CRB2: variants seen among roughly 807,000 people sequenced by gnomAD.
CRB2 encodes protein crumbs homolog 2.
In CRB2, 85 loss-of-function variants were observed where a neutral mutation model predicts 110.9. That is an observed-to-expected ratio of 0.77 (90% confidence interval 0.64 to 0.92). CRB2 has a LOEUF of 0.92. CRB2 is among the 40% of genes least tolerant of loss of function. CRB2 has a pLI of 0.00. For synonymous variants in CRB2, 907 were observed against 831.0 expected (o/e 1.09, Z -1.57); for missense variants, 1,843 against 1,851.3 (o/e 1.00, Z 0.08).
upstream of CRB2, among the ~76,000 whole-genome samples, chr9:123,354,334 G>A (rs192803616): frequency 1.3e-5 from 2 of 151,302 alleles, no homozygotes; most frequent in East Asian, 3.9e-4. Flanking sequence ...GAAAGTGTGG[G>A]AGTTTGTGTC....
At chr9:123,359,162 G>A (rs928313569) in intron 1 of CRB2, among the ~76,000 whole-genome samples, 4 of 152,062 alleles carry the variant, frequency 2.6e-5, no homozygotes, top group African/African-American at 9.7e-5. Context: ...TTGAAAAAGA[G>A]TATGCCAAAT....
Position 123,368,282 on chromosome 9 carries a change from GA to G in CRB2, c.1054+599del, listed in dbSNP as rs2041965518. Among the ~76,000 whole-genome samples, 3 of 152,248 alleles carry G rather than the reference GA, an allele frequency of 2.0e-5. No homozygotes were observed. In the South Asian group the frequency reaches 6.2e-4, roughly 32 times the overall value. On this transcript the variant is annotated intron_variant, in intron 6 of 12. Coordinates refer to ENST00000373631, the MANE Select transcript of CRB2 (RefSeq NM_173689.7). Reference sequence around the variant, plus strand: ...CTGGGCACAGGCTCCTCCACCAGGGGAAAGAGATGGTGGTCACCTCTTCCCC... The same window carrying G: ...CTGGGCACAGGCTCCTCCACCAGGGGAAGAGATGGTGGTCACCTCTTCCCC...
chr9:123,367,439 C>CCCCCCCCAA (rs2041952371), intron 5 of CRB2, 82 bp downstream of exon 5: 1 of 986,868 alleles, frequency 1.0e-6, no homozygotes, highest in African/African-American at 2.3e-5. Flanking sequence ...ACCCCCCCCA[C>CCCCCCCCAA]CCCCCCACCC....
At chr9:123,373,987 T>G in intron 10 of CRB2, 67 bp downstream of exon 10, 1 of 1,543,302 alleles carries the variant, frequency 6.5e-7, no homozygotes, top group Non-Finnish European at 8.8e-7. Context: ...CAGAGAAGTC[T>G]GCCAGGTCTG....
At chr9:123,356,405 A>G in intron 1 of CRB2, 51 bp downstream of exon 1, 1 of 1,396,182 alleles carries the variant, frequency 7.2e-7, no homozygotes, top group Non-Finnish European at 9.6e-7. Context: ...CTGTCCCCCA[A>G]GACAGATACC....
intron 5 of CRB2, 89 bp downstream of exon 5, chr9:123,367,446 A>ACCCCCCCG (rs2041953107): frequency 8.1e-6 from 1 of 123,962 alleles, no homozygotes; most frequent in African/African-American, 1.0e-4. Context: ...CCACCCCCCC[A>ACCCCCCCG]CCCCACACCC....
Position 123,373,494 on chromosome 9 carries a change from G to A in CRB2, c.2963G>A (p.Gly988Asp). Reference sequence around the variant, plus strand: ...GCCGCCACCCCGGTGGCGCTGCGCGGCCTGGCCAGTGACCTGGGCTTCCTG... The same window carrying A: ...GCCGCCACCCCGGTGGCGCTGCGCGACCTGGCCAGTGACCTGGGCTTCCTG... ...DGAATPVALR[G>D]LASDLGFLQG... Residue 988 changes from glycine (G) to aspartate (D), a missense_variant, in exon 10 of 13, where the codon GGC becomes GAC. Coordinates refer to ENST00000373631, the MANE Select transcript of CRB2 (RefSeq NM_173689.7). 1 of 1,457,696 alleles carries A rather than the reference G, an allele frequency of 6.9e-7. No individual in the cohort carries two copies. The highest frequency in any genetic ancestry group is 9.0e-7 in the Non-Finnish European group (1 of 1,114,806). 90.3% of individuals were successfully genotyped at this position (1,457,696 alleles called of 1,614,324 possible).
In CRB2 at chr9:123,371,638, C is replaced by A; in HGVS notation, c.2436+60C>A. The A allele has an allele frequency of 2.5e-6, 4 of 1,599,300 alleles. No homozygotes were observed. The South Asian group carries it at 3.3e-5, about 13-fold the overall frequency. ...GGGAGTCCTTTTCCCAGGATCTGTC[C>A]TGTGTCACCGGGGCTTAGTGTGTCC... On this transcript the variant is annotated intron_variant, in intron 8 of 12. Transcript: ENST00000373631.
chr9:123,371,317 C>G lies in CRB2; in HGVS notation c.2175C>G (p.Leu725=), dbSNP rs1444273816. The G allele has an allele frequency of 1.9e-6, 3 of 1,610,714 alleles. No homozygotes were observed. Among genetic ancestry groups the G allele is most frequent in the Non-Finnish European group, 2.5e-6 (3 of 1,178,018 alleles). Residue 725 remains leucine (L), a synonymous_variant, in exon 8 of 13, where the codon CTC becomes CTG. Coordinates refer to ENST00000373631, the MANE Select transcript of CRB2 (RefSeq NM_173689.7). ...VVLPGRWDDG[L]RHLVMLSFGP... ...TCCCTGGGCGCTGGGATGATGGGCT[C>G]CGTCACCTGGTGATGCTCAGCTTCG...
intron 7 of CRB2, 22 bp from the exon 8 acceptor site, chr9:123,371,048 C>G: frequency 6.2e-7 from 1 of 1,604,860 alleles, no homozygotes; most frequent in South Asian, 1.1e-5. Context: ...GGCCTCACAC[C>G]TGGCACCTTC....
chr9:123,370,351 C>G lies in CRB2; in HGVS notation c.1298C>G (p.Pro433Arg), dbSNP rs150487212. The G allele has an allele frequency of 5.0e-6, 8 of 1,613,870 alleles. No homozygotes were observed. Among genetic ancestry groups the G allele is most frequent in the Non-Finnish European group, 6.8e-6 (8 of 1,180,040 alleles). Residue 433 changes from proline (P) to arginine (R), a missense_variant, in exon 7 of 13, where the codon CCG becomes CGG. Transcript: ENST00000373631. ...CACTGCCCACCTGGTACCCATGGAC[C>G]GTTCTGTGGCCAGAATACCACCTTC... ...VCHCPPGTHG[P>R]FCGQNTTFSV...
chr9:123,371,034 T>C lies in CRB2; in HGVS notation c.1928-36T>C, dbSNP rs754606203. On this transcript the variant is annotated intron_variant, in intron 7 of 12. Transcript: ENST00000373631. ...CACCTGAGATCTGCCTCCCTCAGCC[T>C]GCAGGCCTCACACCTGGCACCTTCT... The C allele has an allele frequency of 3.8e-6, 6 of 1,599,688 alleles. 1 individual carries two copies. In the South Asian group the frequency reaches 6.8e-5, roughly 18 times the overall value.
chr9:123,371,845 A>G (rs144657713), intron 8 of CRB2, among the ~76,000 whole-genome samples: 1 of 152,114 alleles, frequency 6.6e-6, no homozygotes, highest in Non-Finnish European at 1.5e-5. Context: ...CGAGATAGAG[A>G]GCTGCCTGAG....
chr9:123,375,211 C>T lies in CRB2; in HGVS notation c.3507-6C>T. On this transcript the variant is annotated splice_region_variant and splice_polypyrimidine_tract_variant and intron_variant, in intron 11 of 12. Coordinates refer to ENST00000373631, the MANE Select transcript of CRB2 (RefSeq NM_173689.7). ...AGCCGCTTTCTCAGCCCCCCTCCCTCTCCAGGTGTCAGGTCCCCACTCTCC... is the reference window on the plus strand; with the variant it reads ...AGCCGCTTTCTCAGCCCCCCTCCCTTTCCAGGTGTCAGGTCCCCACTCTCC... 6.2e-7 allele frequency: 1 copy of T among 1,612,722 alleles called. No homozygotes were observed. Among genetic ancestry groups the T allele is most frequent in the East Asian group, 2.2e-5 (1 of 44,840 alleles).
chr9:123,367,059 C>T (rs1311019946), intron 4 of CRB2, 113 bp from the exon 5 acceptor site: 28 of 1,113,248 alleles, frequency 2.5e-5, no homozygotes, highest in South Asian at 2.5e-4. Flanking sequence ...CCTCGCCATT[C>T]GTGGCTTATT....
At chr9:123,374,210 G>T in intron 10 of CRB2, 1 of 603,256 alleles carries the variant, frequency 1.7e-6, no homozygotes, top group South Asian at 2.0e-5. Context: ...GGTGGAGGGA[G>T]GGGGTCAGGC....
chr9:123,371,170 C>A lies in CRB2; in HGVS notation c.2028C>A (p.Leu676=). The part of the protein sequence containing the change: ...PGPNLTVSFL[L]RTRESAGLLL... ...CCAACCTCACAGTGTCTTTCCTTCT[C>A]CGCACTCGGGAGTCCGCTGGCCTGT... Residue 676 remains leucine, a synonymous_variant, in exon 8 of 13, where the codon CTC becomes CTA. Transcript: ENST00000373631. 1 of 1,613,790 alleles carries A rather than the reference C, an allele frequency of 6.2e-7. No homozygotes were observed. The highest frequency in any genetic ancestry group is 8.5e-7 in the Non-Finnish European group (1 of 1,180,046).
intron 2 of CRB2, among the ~76,000 whole-genome samples, chr9:123,365,130 G>T (rs2041914325): frequency 6.6e-6 from 1 of 152,152 alleles, no homozygotes; most frequent in Admixed American, 6.5e-5. Flanking sequence ...GGGTGAGGTG[G>T]CATGCACCTG....
At chr9:123,378,805 G>GTTTTTTTGTTT (rs2042150087), downstream of CRB2, 1 of 100,982 alleles carries the variant, frequency 9.9e-6, no homozygotes, top group African/African-American at 4.3e-5. Flanking sequence ...CCTGTTTTTT[G>GTTTTTTTGTTT]TTTTTTTTTT....
Sources: gnomAD v4.1 joint callset for allele counts (sites outside exome capture counted in the v4.1 genomes callset) on GRCh38, gnomAD v4.1.1 for gene constraint, MANE v1.5 for transcripts, NCBI Gene and HGNC (gene_info 2026-07-23, HGNC 2026-07-21) for gene names.